Variants in RNF217 observed in about 807,000 individuals in gnomAD.
RNF217 encodes ring finger protein 217.
A neutral mutation model predicts 57.8 loss-of-function variants in RNF217; 31 were observed. The observed-to-expected ratio is 0.54, with a 90% confidence interval of 0.40 to 0.72. RNF217 has a LOEUF of 0.72. Ranked by LOEUF, RNF217 falls within the 30% of genes least tolerant of loss-of-function variation. The pLI is 0.00. For synonymous variants in RNF217, 313 were observed against 294.0 expected, an observed-to-expected ratio of 1.06 and a Z score of -0.66; for missense variants, 696 against 708.3, an observed-to-expected ratio of 0.98 and a Z score of 0.20.
At chr6:125,066,860 T>G (rs1392341277) in intron 3 of RNF217, among the ~76,000 whole-genome samples, 1 of 152,188 alleles carries the variant, frequency 6.6e-6, no homozygotes, top group Non-Finnish European at 1.5e-5. Flanking sequence ...TCATTCTACC[T>G]TATATGGACT....
chr6:124,997,006 G>A (rs1784780184), intron 1 of RNF217, among the ~76,000 whole-genome samples: 1 of 151,992 alleles, frequency 6.6e-6, no homozygotes, highest in South Asian at 2.1e-4. Context: ...AGACTTGTTT[G>A]TAGCACTCCT....
At chr6:125,020,415 C>G (rs904260559) in intron 1 of RNF217, among the ~76,000 whole-genome samples, 1 of 152,204 alleles carries the variant, frequency 6.6e-6, no homozygotes. Flanking sequence ...AAACAATATT[C>G]TGTGAGCATT....
In RNF217 at chr6:125,084,483, G is replaced by A. The variant is rs1788712480; in HGVS notation, c.*1546G>A. 6.6e-6 allele frequency: 1 copy of A among 151,968 alleles called. No individual in the cohort carries two copies. The highest frequency in any genetic ancestry group is 2.4e-5 in the African/African-American group (1 of 41,422). The allele number at this position is 151,968 out of a possible 1,614,324, so 9.4% of individuals were successfully genotyped here. A position where few individuals can be genotyped will look rare whatever the true frequency, so the allele number is the denominator to read the frequency against. ...TTAAAATTAGTCATCTGTCTTAGAT[G>A]TACATTTATTTGTCAGCAACCTTGT... On this transcript the variant is annotated 3_prime_UTR_variant, in exon 6 of 6. Coordinates refer to ENST00000521654, the MANE Select transcript of RNF217 (RefSeq NM_001286398.3).
intron 1 of RNF217, among the ~76,000 whole-genome samples, chr6:124,969,608 A>G (rs1163817293): frequency 6.6e-6 from 1 of 152,214 alleles, no homozygotes; most frequent in Non-Finnish European, 1.5e-5. Context: ...AAACATTCTT[A>G]CATGTATTTT....
chr6:125,035,173 G>T (rs1403358966), intron 1 of RNF217, among the ~76,000 whole-genome samples: 1 of 152,002 alleles, frequency 6.6e-6, no homozygotes, highest in African/African-American at 2.4e-5. Context: ...TCTTTTCCTA[G>T]TTGAATACCC....
intron 1 of RNF217, among the ~76,000 whole-genome samples, chr6:124,993,129 G>T (rs1784624335): frequency 6.6e-6 from 1 of 151,988 alleles, no homozygotes; most frequent in Non-Finnish European, 1.5e-5. Context: ...ACTTTCTTTT[G>T]GTCTCTACTG....
chr6:125,044,609 C>G (rs936568869), intron 1 of RNF217, among the ~76,000 whole-genome samples: 2 of 152,034 alleles, frequency 1.3e-5, no homozygotes, highest in Non-Finnish European at 1.5e-5. Context: ...CATTTTCTTA[C>G]TTGTTCCTAT....
At chr6:125,043,354 C>T (rs1786961246) in intron 1 of RNF217, among the ~76,000 whole-genome samples, 1 of 151,924 alleles carries the variant, frequency 6.6e-6, no homozygotes, top group Non-Finnish European at 1.5e-5. Context: ...TAAGCTCTCA[C>T]TTGAATCCTC....
At chr6:125,076,984 C>G (rs1788401002) in intron 4 of RNF217, 126 bp downstream of exon 4, 1 of 788,242 alleles carries the variant, frequency 1.3e-6, no homozygotes. Context: ...GGAGGATATT[C>G]TCTCACCCTT....
chr6:124,974,479 T>G (rs1783884399), intron 1 of RNF217, among the ~76,000 whole-genome samples: 2 of 152,192 alleles, frequency 1.3e-5, no homozygotes, highest in South Asian at 2.1e-4. Context: ...TCTTATAAAA[T>G]TAAATATTTT....
At chr6:124,979,644 A>G (rs1784085450) in intron 1 of RNF217, among the ~76,000 whole-genome samples, 1 of 152,180 alleles carries the variant, frequency 6.6e-6, no homozygotes, top group Non-Finnish European at 1.5e-5. Flanking sequence ...GAAAGAGATG[A>G]CTTACAAAGG....
At chr6:124,972,506 C>T (rs1783800414) in intron 1 of RNF217, among the ~76,000 whole-genome samples, 1 of 152,188 alleles carries the variant, frequency 6.6e-6, no homozygotes, top group Admixed American at 6.5e-5. Flanking sequence ...AGAATTTAAA[C>T]TTTATAACGG....
At chr6:125,053,036 T>C (rs1787386897) in intron 2 of RNF217, among the ~76,000 whole-genome samples, 1 of 152,114 alleles carries the variant, frequency 6.6e-6, no homozygotes. Context: ...CAATATATCA[T>C]GTGCTCTTGG....
Position 124,962,774 on chromosome 6 carries a change from G to A in RNF217, c.230G>A (p.Gly77Asp), listed in dbSNP as rs185539044. ...CCCGCGAGGAGCCTGGGGCCCCCGG[G>A]CTGGAGTAAGAGCCGAGCACCGGCG... Reference protein sequence around the residue: ...PEPARSLGPPGWSKSRAPAQP... With the variant: ...PEPARSLGPPDWSKSRAPAQP... Residue 77 changes from glycine to aspartate, a missense_variant, in exon 1 of 6, where the codon GGC (glycine) becomes GAC (aspartate). Physicochemically the swap from Gly to Asp is moderately conservative, Grantham distance 94. This residue lies in a region of RNF217 where 465 missense variants were observed against 386.8 expected (regional missense o/e 1.20). Coordinates refer to ENST00000521654, the MANE Select transcript of RNF217 (RefSeq NM_001286398.3). The surrounding 1 kb of genome is among the most constrained non-coding windows in gnomAD (Gnocchi z 4.6). 126 of 1,595,654 alleles carry A rather than the reference G, an allele frequency of 7.9e-5. No individual in the cohort carries two copies. In the Middle Eastern group the frequency reaches 3.4e-3, roughly 43 times the overall value.
At chr6:125,010,182 C>T (rs924576764) in intron 1 of RNF217, among the ~76,000 whole-genome samples, 9 of 152,044 alleles carry the variant, frequency 5.9e-5, no homozygotes, top group Admixed American at 5.9e-4. Flanking sequence ...GTATTTTGCT[C>T]TAAAGGAATG....
At chr6:124,971,415 G>A in intron 1 of RNF217, 1 of 252,466 alleles carries the variant, frequency 4.0e-6, no homozygotes, top group Non-Finnish European at 8.2e-6. Context: ...ATTTGGCTTA[G>A]GAAAGCTATG....
intron 3 of RNF217, 53 bp downstream of exon 3, chr6:125,058,159 G>T (rs1787593946): frequency 2.7e-6 from 4 of 1,469,546 alleles, no homozygotes; most frequent in Non-Finnish European, 3.7e-6. Flanking sequence ...GGATGTGACT[G>T]AACAATATTT....
intron 1 of RNF217, among the ~76,000 whole-genome samples, chr6:124,998,997 A>G (rs552467129): frequency 1.6e-4 from 25 of 152,334 alleles, no homozygotes; most frequent in Admixed American, 1.5e-3. Flanking sequence ...TTTCAAAAAT[A>G]GATACATGTA....
intron 4 of RNF217, among the ~76,000 whole-genome samples, chr6:125,079,109 G>C (rs1414093543): frequency 6.6e-6 from 1 of 152,040 alleles, no homozygotes; most frequent in African/African-American, 2.4e-5. Flanking sequence ...GGGAAACATG[G>C]TCTTCATTCC....
Sources: allele counts gnomAD v4.1 joint callset (sites outside exome capture counted in the v4.1 genomes callset), GRCh38; gene constraint gnomAD v4.1.1; regional missense constraint gnomAD v4.1.1; non-coding constraint Gnocchi (gnomAD v3.1); transcripts MANE v1.5; gene names NCBI Gene and HGNC (gene_info 2026-07-23, HGNC 2026-07-21).